Variants in PCNT observed in about 807,000 individuals in gnomAD.
The protein encoded by PCNT is pericentrin.
In PCNT, 319 loss-of-function variants were observed where a neutral mutation model predicts 380.4. That is an observed-to-expected ratio of 0.84 (90% CI 0.77 to 0.92). The LOEUF is 0.92. PCNT is among the 40% of genes least tolerant of loss of function. The probability of loss-of-function intolerance (pLI) is 0.00; values close to 1 mark genes in which losing one functional copy is unlikely to be tolerated. For synonymous variants in PCNT, 1,845 were observed against 1,735.2 expected (o/e 1.06, Z -1.57); for missense variants, 4,400 against 4,255.3 (o/e 1.03, Z -0.95).
intron 15 of PCNT, among the ~76,000 whole-genome samples, chr21:46,378,774 A>T (rs186710762): frequency 2.6e-5 from 4 of 152,344 alleles, no homozygotes; most frequent in African/African-American, 9.6e-5. Flanking sequence ...GTTTGGATTA[A>T]TACCAACTTA....
At chr21:46,327,272 G>A (rs919572683) in intron 2 of PCNT, among the ~76,000 whole-genome samples, 15 of 152,062 alleles carry the variant, frequency 9.9e-5, no homozygotes, top group African/African-American at 3.6e-4. Flanking sequence ...TGTTAGCCAG[G>A]ATGGTCTCAA....
chr21:46,403,505 G>C (rs1377383684), intron 27 of PCNT, among the ~76,000 whole-genome samples: 1 of 129,888 alleles, frequency 7.7e-6, no homozygotes, highest in Non-Finnish European at 1.7e-5. Flanking sequence ...AATTGTGTGT[G>C]TGGTGCCCAC....
chr21:46,383,890 A>G (rs576419986), intron 16 of PCNT, among the ~76,000 whole-genome samples: 14 of 138,772 alleles, frequency 1.0e-4, no homozygotes, highest in South Asian at 2.6e-4. Context: ...GGTGTTGTGC[A>G]TTCAGTGGCA....
At position 46,443,937 on chromosome 21, in the gene PCNT, C is replaced by T; in HGVS notation, c.9828C>T (p.His3276=). Residue 3276 remains histidine, a synonymous_variant, in exon 45 of 47, where the codon CAC becomes CAT. Coordinates refer to ENST00000359568, the MANE Select transcript of PCNT (RefSeq NM_006031.6). ...GACTGGCAGCAGCAGCCTCCCCACA[C>T]AGTGGGGGAAGGTCAGTGTGATGCC... is the stretch of plus-strand genomic sequence containing the variant. ...GRRLAAAASP[H]SGGRATPSPN... The T allele has an allele frequency of 2.5e-6, 4 of 1,612,256 alleles. No homozygotes were observed. The highest frequency in any genetic ancestry group is 1.1e-5 in the South Asian group (1 of 91,004).
In PCNT at chr21:46,413,041, C is replaced by T. The variant is rs112334245; in HGVS notation, c.6150+49C>T. The T allele has an allele frequency of 0.03, 39,011 of 1,303,780 alleles. 538 individuals carry two copies. Among genetic ancestry groups the T allele is most frequent in the East Asian group, 0.17 (6,069 of 35,694 alleles). 80.8% of individuals were successfully genotyped at this position (1,303,780 alleles called of 1,614,324 possible). ...AGGTCCCCCCGGGAGAGGCTGGACA[C>T]GCGGCAGCAAGGTGTGGGGAGCGGG... is the stretch of plus-strand genomic sequence containing the variant. On this transcript the variant is annotated intron_variant, in intron 29 of 46. Coordinates refer to ENST00000359568, the MANE Select transcript of PCNT (RefSeq NM_006031.6).
chr21:46,388,768 G>GGCT lies in PCNT; in HGVS notation c.3496_3498dup (p.Leu1166dup). On this transcript the variant is annotated inframe_insertion, in exon 18 of 47. Transcript: ENST00000359568. The surrounding 1 kb of genome is among the most constrained non-coding windows in gnomAD (Gnocchi z 4.2). ...GGGGCCCTCCAGGACGCCCTGCGCA[G>GGCT]GCTGCTGGGTTTGTTTGGAGAGACG... 6.2e-7 allele frequency: 1 copy of GGCT among 1,613,906 alleles called. No homozygotes were observed. The highest frequency in any genetic ancestry group is 8.5e-7 in the Non-Finnish European group (1 of 1,179,962).
At chr21:46,429,269 A>G (rs1343163976) in intron 35 of PCNT, among the ~76,000 whole-genome samples, 1 of 117,518 alleles carries the variant, frequency 8.5e-6, no homozygotes, top group Non-Finnish European at 1.8e-5. Flanking sequence ...GCGCTGTGCA[A>G]GCGCTTGTCA....
Position 46,438,315 on chromosome 21 carries a change from TGCAGAA to T in PCNT, c.9253_9258del (p.Gln3085_Lys3086del). On this transcript the variant is annotated inframe_deletion, in exon 41 of 47. Transcript: ENST00000359568. ...CTTGAGAAGTTGCTGAAGCACCATCTGCAGAAGGGCTGCAGCCCAAGCGTAGGTGTC... is the reference window on the plus strand; with the variant it reads ...CTTGAGAAGTTGCTGAAGCACCATCTGGGCTGCAGCCCAAGCGTAGGTGTC... The T allele has an allele frequency of 6.2e-7, 1 of 1,614,142 alleles. No individual in the cohort carries two copies. Among genetic ancestry groups the T allele is most frequent in the Non-Finnish European group, 8.5e-7 (1 of 1,179,998 alleles).
chr21:46,362,206 G>C (rs561945694), intron 13 of PCNT, among the ~76,000 whole-genome samples: 9 of 152,312 alleles, frequency 5.9e-5, no homozygotes, highest in Non-Finnish European at 1.0e-4. Flanking sequence ...ATCGGGGTCA[G>C]CCTGAGACGT....
chr21:46,390,983 G>A (rs536527472), intron 20 of PCNT, 151 bp downstream of exon 20: 5 of 1,157,176 alleles, frequency 4.3e-6, no homozygotes, highest in South Asian at 4.0e-5. Context: ...TGGGAGGAAT[G>A]GGGTGGTCGG....
rs2087447739 is a variant in PCNT at position 46,425,296 on chromosome 21, G to T, written c.7180-535G>T. Among the ~76,000 whole-genome samples, 2 of 152,262 alleles carry T rather than the reference G, an allele frequency of 1.3e-5. No homozygotes were observed. Among genetic ancestry groups the T allele is most frequent in the African/African-American group, 4.8e-5 (2 of 41,470 alleles). ...GTTCACAGACCTGTGGGCAGGGCCT[G>T]CTGGGGATGGTTTTCTCTGCTCCCC... On this transcript the variant is annotated intron_variant, in intron 32 of 46. Transcript: ENST00000359568. This position sits in a 1 kb window ranked among gnomAD's most constrained non-coding sequence, Gnocchi z 4.2.
At chr21:46,442,211 A>G (rs1231687024) in intron 43 of PCNT, among the ~76,000 whole-genome samples, 3 of 151,934 alleles carry the variant, frequency 2.0e-5, no homozygotes, top group Non-Finnish European at 4.4e-5. Context: ...GAGCTGGGCC[A>G]TGGTGGGTGT....
At chr21:46,345,249 G>A (rs774390758) in intron 3 of PCNT, among the ~76,000 whole-genome samples, 3 of 152,038 alleles carry the variant, frequency 2.0e-5, no homozygotes, top group Admixed American at 6.6e-5. Context: ...GTGGAGTCTC[G>A]CTCTGTTGCC....
At position 46,419,091 on chromosome 21, in the gene PCNT, ATTG is replaced by A. The variant is rs1197023718; in HGVS notation, c.7024+790_7024+792del. ...TTTTCATTTCATAACTTTTTCTATA[ATTG>A]TTGTCTTTTTACAAGTCAGTCACCT... On this transcript the variant is annotated intron_variant, in intron 31 of 46. Transcript: ENST00000359568. Among the ~76,000 whole-genome samples, 3 of 151,890 alleles carry A rather than the reference ATTG, an allele frequency of 2.0e-5. No homozygotes were observed. The South Asian group carries it at 6.2e-4, about 31-fold the overall frequency.
chr21:46,427,507 A>C, intron 33 of PCNT, 115 bp from the exon 34 acceptor site: 1 of 1,149,404 alleles, frequency 8.7e-7, no homozygotes, highest in Non-Finnish European at 1.3e-6. Context: ...GGCCTCATTT[A>C]CCCTGAATCA....
intron 31 of PCNT, among the ~76,000 whole-genome samples, chr21:46,419,881 C>G (rs139309155): frequency 6.6e-6 from 1 of 152,220 alleles, no homozygotes; most frequent in South Asian, 2.1e-4. Flanking sequence ...GCTGGGATTA[C>G]AGGCATGAGC....
intron 29 of PCNT, 63 bp downstream of exon 29, chr21:46,413,055 GT>G (rs2086848004): frequency 6.8e-7 from 1 of 1,469,266 alleles, no homozygotes; most frequent in Non-Finnish European, 9.3e-7. Context: ...GCAGCAAGGT[GT>G]GGGGAGCGGG....
intron 46 of PCNT, 128 bp downstream of exon 46, chr21:46,444,949 C>A: frequency 1.2e-6 from 1 of 867,518 alleles, no homozygotes; most frequent in Non-Finnish European, 1.9e-6. Context: ...ATCAGTGTCA[C>A]TAATAGTATT....
Position 46,388,474 on chromosome 21 carries a change from T to C in PCNT, c.3465-268T>C, listed in dbSNP as rs375464803. On this transcript the variant is annotated intron_variant, in intron 17 of 46. Coordinates refer to ENST00000359568, the MANE Select transcript of PCNT (RefSeq NM_006031.6). This position sits in a 1 kb window ranked among gnomAD's most constrained non-coding sequence, Gnocchi z 4.2. Reference sequence around the variant, plus strand: ...CGGGACGGGTTTGCCGTGTTCCTAATGTGATGCCTTTTACACATCAGAAAT... The same window carrying C: ...CGGGACGGGTTTGCCGTGTTCCTAACGTGATGCCTTTTACACATCAGAAAT... Among the ~76,000 whole-genome samples, 3 of 152,210 alleles carry C rather than the reference T, an allele frequency of 2.0e-5. No homozygotes were observed. The highest frequency in any genetic ancestry group is 7.2e-5 in the African/African-American group (3 of 41,458).
Sources: allele counts gnomAD v4.1 joint callset (sites outside exome capture counted in the v4.1 genomes callset), GRCh38; gene constraint gnomAD v4.1.1; non-coding constraint Gnocchi (gnomAD v3.1); transcripts MANE v1.5; gene names NCBI Gene and HGNC (gene_info 2026-07-23, HGNC 2026-07-21).